Variants in CHD8 observed in about 807,000 individuals in gnomAD.
CHD8 encodes the protein chromodomain helicase DNA binding protein 8.
In CHD8, 31 loss-of-function variants were observed where a neutral mutation model predicts 279.2. The ratio of observed to expected loss-of-function variants is 0.11; its 90% confidence interval spans 0.08 to 0.15. The LOEUF (loss-of-function observed/expected upper bound fraction) is 0.15. Among genes scored for constraint, CHD8 ranks in the 10% least tolerant of loss-of-function variants. The pLI is 1.00. For synonymous variants in CHD8, 1,081 were observed against 1,139.6 expected (o/e 0.95, Z 1.04); for missense variants, 2,146 against 3,230.5 (o/e 0.66, Z 8.14).
At chr14:21,443,519 A>G (rs976807413) in intron 1 of CHD8, among the ~76,000 whole-genome samples, 2 of 152,062 alleles carry the variant, frequency 1.3e-5, no homozygotes, top group African/African-American at 2.4e-5. Flanking sequence ...GCAGGGGAAG[A>G]GTGATCAATT....
At position 21,392,568 on chromosome 14, in the gene CHD8, G is replaced by C. The variant is rs1282208947; in HGVS notation, c.6710C>G (p.Ala2237Gly). 2 of 1,613,562 alleles carry C rather than the reference G, an allele frequency of 1.2e-6. No homozygotes were observed. Among genetic ancestry groups the C allele is most frequent in the Non-Finnish European group, 1.7e-6 (2 of 1,179,886 alleles). Residue 2237 changes from alanine (A) to glycine (G), a missense_variant, in exon 34 of 38, where the codon GCC (alanine) becomes GGC (glycine). Coordinates refer to ENST00000646647, the MANE Select transcript of CHD8 (RefSeq NM_001170629.2). Reference protein sequence around the residue: ...EEASAVSTAAAQFTKLRRGMD... With the variant: ...EEASAVSTAAGQFTKLRRGMD... The stretch of plus-strand genomic sequence containing the variant: ...GCCTCGGCGAAGTTTGGTGAACTGG[G>C]CTGCCGCTGTGCTGACTGCAGATGC...
Position 21,436,869 on chromosome 14 carries a change from G to A in CHD8, c.-215-5011C>T, listed in dbSNP as rs1305023151. The A allele has an allele frequency of 3.0e-6, 3 of 1,001,460 alleles. No homozygotes were observed. The Admixed American group carries it at 7.0e-5, about 23-fold the overall frequency. 62.0% of individuals were successfully genotyped at this position (1,001,460 alleles called of 1,614,324 possible). The stretch of plus-strand genomic sequence containing the variant: ...GTTGATGGAGAGGAAAACGCGACTG[G>A]GGTGGGGGTGGGGGGGACCCGGGTA... On this transcript the variant is annotated intron_variant, in intron 1 of 37. Transcript: ENST00000646647.
chr14:21,431,022 C>T lies in CHD8; in HGVS notation c.622G>A (p.Gly208Ser), dbSNP rs377359922. The T allele has an allele frequency of 3.6e-5, 57 of 1,599,304 alleles. No homozygotes were observed. The highest frequency in any genetic ancestry group is 4.2e-5 in the Non-Finnish European group (49 of 1,179,750). ...GAAACACCTGGTCGAAGGGGTGTGC[C>T]GGTTAGCACTTTGGTAAAAGTGACT... ...GKVTFTKVLT[G>S]TPLRPGVSIV... The change falls in exon 2 of 38, where the codon GGC becomes AGC. Residue 208 changes from glycine (G) to serine (S), a missense_variant. Transcript: ENST00000646647.
At chr14:21,424,874 T>C (rs1166602543) in intron 5 of CHD8, among the ~76,000 whole-genome samples, 3 of 152,172 alleles carry the variant, frequency 2.0e-5, no homozygotes, top group Non-Finnish European at 2.9e-5. Context: ...TAAATATTAA[T>C]AGAGAAACAC....
intron 10 of CHD8, among the ~76,000 whole-genome samples, chr14:21,411,058 A>T (rs1888471856): frequency 1.3e-5 from 2 of 152,236 alleles, no homozygotes; most frequent in Admixed American, 1.3e-4. Flanking sequence ...TTATAGTATT[A>T]GAGTATGAAA....
chr14:21,440,919 G>A (rs1000967178), intron 1 of CHD8, among the ~76,000 whole-genome samples: 1 of 152,162 alleles, frequency 6.6e-6, no homozygotes, highest in Non-Finnish European at 1.5e-5. Flanking sequence ...GAGTTGTATA[G>A]TGAACATTTG....
Position 21,400,918 on chromosome 14 carries a change from G to A in CHD8, c.4327C>T (p.Arg1443Cys), listed in dbSNP as rs1316039715. ...TTTTCCACCCGAAAGCAGTCAGTGC[G>A]CCCATAGGCATGATGACGGTCATGT... Reference protein sequence around the residue: ...RRHDRHHAYGRTDCFRVEKHL... With the variant: ...RRHDRHHAYGCTDCFRVEKHL... Residue 1443 changes from arginine (R) to cysteine (C), a missense_variant, in exon 22 of 38, where the codon CGC (arginine) becomes TGC (cysteine). Transcript: ENST00000646647. The surrounding 1 kb of genome is among the most constrained non-coding windows in gnomAD (Gnocchi z 4.2). 3 of 1,613,474 alleles carry A rather than the reference G, an allele frequency of 1.9e-6. No homozygotes were observed. The highest frequency in any genetic ancestry group is 2.5e-6 in the Non-Finnish European group (3 of 1,179,654).
rs1463886398 is a variant in CHD8, at chr14:21,385,958, A to T, written c.7401T>A (p.Ser2467=). 1.3e-6 allele frequency: 2 copies of T among 1,561,198 alleles called. No individual in the cohort carries two copies. The highest frequency in any genetic ancestry group is 2.4e-5 in the South Asian group (2 of 84,574). ...VSSLGHSSAT[S]ASLPFMPFVM... is the part of the protein sequence containing the mutation. ...CAAATGGCATAAAAGGCAAAGATGC[A>T]GAAGTGGCACTGCTGTGACCCAAAG... Residue 2467 remains serine, a synonymous_variant, in exon 38 of 38, where the codon TCT becomes TCA. Transcript: ENST00000646647.
chr14:21,395,124 G>A lies in CHD8; in HGVS notation c.5183-5C>T. 1 of 1,612,338 alleles carries A rather than the reference G, an allele frequency of 6.2e-7. No individual in the cohort carries two copies. Among genetic ancestry groups the A allele is most frequent in the Non-Finnish European group, 8.5e-7 (1 of 1,179,080 alleles). On this transcript the variant is annotated splice_region_variant and splice_polypyrimidine_tract_variant and intron_variant, in intron 29 of 37. Coordinates refer to ENST00000646647, the MANE Select transcript of CHD8 (RefSeq NM_001170629.2). The stretch of plus-strand genomic sequence containing the variant: ...CTGGCTGTTGGGTCACCTGGGCTGT[G>A]GAAAACAAAGTAGAATGAATAGGAA...
In CHD8 at chr14:21,385,716, T is replaced by C; in HGVS notation, c.7643A>G (p.Asp2548Gly). 1.3e-6 allele frequency: 2 copies of C among 1,551,812 alleles called. No homozygotes were observed. Among genetic ancestry groups the C allele is most frequent in the Non-Finnish European group, 1.7e-6 (2 of 1,147,004 alleles). Residue 2548 changes from aspartate to glycine, a missense_variant, in exon 38 of 38, where the codon GAT becomes GGT. Physicochemically the swap from Asp to Gly is moderately conservative, Grantham distance 94. This residue lies in a region of CHD8 where 336 missense variants were observed against 392.9 expected (regional missense o/e 0.86). Transcript: ENST00000646647. Reference sequence around the variant, plus strand: ...GCTATCATAGCCCTGAGATAAGTCATCATCATCTTCTTCATCCTCATCGTC... The same window carrying C: ...GCTATCATAGCCCTGAGATAAGTCACCATCATCTTCTTCATCCTCATCGTC... ...EDDDEDEEDD[D>G]DLSQGYDSSE...
intron 1 of CHD8, among the ~76,000 whole-genome samples, chr14:21,434,849 T>C (rs150551490): frequency 1.6e-4 from 24 of 152,294 alleles, no homozygotes; most frequent in Non-Finnish European, 2.6e-4. Flanking sequence ...TAACCCTCCT[T>C]CTACTACTAC....
rs192924170 is a variant in CHD8, at chr14:21,424,661, C to T, written c.1716+1467G>A. Among the ~76,000 whole-genome samples, 57 of 152,148 alleles carry T rather than the reference C, an allele frequency of 3.7e-4. 1 individual carries two copies. The Middle Eastern group carries it at 0.01, about 27-fold the overall frequency. ...AATTTTTTTGTATTTTTGGTAGAGA[C>T]GGGGTTTCACCGTGTTAGCCAGGAT... is the stretch of plus-strand genomic sequence containing the variant. On this transcript the variant is annotated intron_variant, in intron 5 of 37. Transcript: ENST00000646647.
intron 37 of CHD8, among the ~76,000 whole-genome samples, chr14:21,387,407 C>T (rs747513552): frequency 2.0e-5 from 3 of 151,530 alleles, no homozygotes; most frequent in Non-Finnish European, 2.9e-5. Flanking sequence ...TGAGGGCAGG[C>T]GGATCACCTG....
intron 26 of CHD8, chr14:21,399,225 G>T: frequency 6.6e-6 from 2 of 301,882 alleles, no homozygotes; most frequent in Non-Finnish European, 6.6e-6. Flanking sequence ...CAATTGTTAT[G>T]CTAGTGCACA....
At chr14:21,409,734 A>G in intron 11 of CHD8, 117 bp downstream of exon 11, 4 of 961,812 alleles carry the variant, frequency 4.2e-6, no homozygotes, top group Non-Finnish European at 6.2e-6. Context: ...CATTTCTTCG[A>G]TTTTTATATG....
Position 21,405,147 on chromosome 14 carries a change from A to G in CHD8, c.3307+62T>C. The G allele has an allele frequency of 6.5e-7, 1 of 1,546,864 alleles. No homozygotes were observed. Among genetic ancestry groups the G allele is most frequent in the Non-Finnish European group, 8.9e-7 (1 of 1,128,786 alleles). ...AATGCATCCATTGTCCCCAAGGAGA[A>G]TCATCCGGAAAGTAAACACAGGTAC... On this transcript the variant is annotated intron_variant, in intron 16 of 37. Transcript: ENST00000646647. This position sits in a 1 kb window ranked among gnomAD's most constrained non-coding sequence, Gnocchi z 4.2.
At position 21,402,519 on chromosome 14, in the gene CHD8, A is replaced by G. The variant is rs756008503; in HGVS notation, c.3715-16T>C. 35 of 1,565,250 alleles carry G rather than the reference A, an allele frequency of 2.2e-5. 2 individuals are homozygous for G. The highest frequency in any genetic ancestry group is 3.4e-4 in the Middle Eastern group (2 of 5,844). On this transcript the variant is annotated splice_polypyrimidine_tract_variant and intron_variant, in intron 18 of 37. Coordinates refer to ENST00000646647, the MANE Select transcript of CHD8 (RefSeq NM_001170629.2). This position sits in a 1 kb window ranked among gnomAD's most constrained non-coding sequence, Gnocchi z 4.5. The stretch of plus-strand genomic sequence containing the variant: ...GTGCCTGGGCCTGGTTTAAAATAAA[A>G]ACGAAAGGAAAGGAGAAAGATATCA...
chr14:21,388,774 G>A (rs917259647), intron 37 of CHD8, among the ~76,000 whole-genome samples: 4 of 146,456 alleles, frequency 2.7e-5, no homozygotes, highest in African/African-American at 7.6e-5. Context: ...AAGAGCCACC[G>A]CACCTGGCTC....
intron 33 of CHD8, 128 bp downstream of exon 33, chr14:21,392,974 GAAAA>G (rs10646956): frequency 7.4e-6 from 7 of 943,092 alleles, no homozygotes; most frequent in Non-Finnish European, 1.1e-5. Context: ...AAGTTTCCTG[GAAAA>G]AAAAAAAAAA....
Sources: allele counts gnomAD v4.1 joint callset (sites outside exome capture counted in the v4.1 genomes callset), GRCh38; gene constraint gnomAD v4.1.1; regional missense constraint gnomAD v4.1.1; non-coding constraint Gnocchi (gnomAD v3.1); transcripts MANE v1.5; gene names NCBI Gene and HGNC (gene_info 2026-07-23, HGNC 2026-07-21).